Variants in UBE3C observed in about 807,000 individuals in gnomAD.
The protein encoded by UBE3C is ubiquitin-protein ligase E3C.
In UBE3C, 42 loss-of-function variants were observed where a neutral mutation model predicts 129.4. That is an observed-to-expected ratio of 0.32 (90% CI 0.25 to 0.42). The LOEUF (loss-of-function observed/expected upper bound fraction) is 0.42. Among genes scored for constraint, UBE3C ranks in the 10% least tolerant of loss-of-function variants. UBE3C has a pLI of 1.00. For missense variants in UBE3C, 1,049 were observed against 1,319.1 expected (o/e 0.80, Z 3.17); for synonymous variants, 510 against 492.4 (o/e 1.04, Z -0.47).
chr7:157,174,640 G>A (rs1223906846), intron 4 of UBE3C, among the ~76,000 whole-genome samples: 1 of 152,060 alleles, frequency 6.6e-6, no homozygotes, highest in Non-Finnish European at 1.5e-5. Flanking sequence ...TTTTTGTAGA[G>A]ACAGGGTTTC....
At chr7:157,172,642 G>C (rs1808409125) in intron 4 of UBE3C, among the ~76,000 whole-genome samples, 1 of 152,190 alleles carries the variant, frequency 6.6e-6, no homozygotes, top group Admixed American at 6.5e-5. Flanking sequence ...GAAAGCCGTT[G>C]AATCTACCCA....
Position 157,265,376 on chromosome 7 carries a change from G to T in UBE3C, c.3082-2209G>T, listed in dbSNP as rs1176990483. ...AAATGTGAGGCAAATAGCTAATGGT[G>T]TTTGTGTATACGAGGAAGGTGGAGT... On this transcript the variant is annotated intron_variant, in intron 22 of 22. Coordinates refer to ENST00000348165, the MANE Select transcript of UBE3C (RefSeq NM_014671.3). Among the ~76,000 whole-genome samples the T allele has an allele frequency of 5.3e-5, 8 of 152,362 alleles. No homozygotes were observed. In the South Asian group the frequency reaches 1.7e-3, roughly 32 times the overall value.
chr7:157,208,823 C>T (rs1809511630), intron 13 of UBE3C, among the ~76,000 whole-genome samples: 1 of 152,198 alleles, frequency 6.6e-6, no homozygotes, highest in African/African-American at 2.4e-5. Flanking sequence ...GGGTGCTTGA[C>T]TTCCCATGAA....
At chr7:157,251,958 A>G (rs1303477835) in intron 19 of UBE3C, among the ~76,000 whole-genome samples, 1 of 152,040 alleles carries the variant, frequency 6.6e-6, no homozygotes, top group African/African-American at 2.4e-5. Context: ...ACATGGTGAA[A>G]CCCTGTCTCT....
intron 12 of UBE3C, 40 bp downstream of exon 12, chr7:157,207,595 G>T (rs765919784): frequency 6.2e-7 from 1 of 1,600,296 alleles, no homozygotes; most frequent in South Asian, 1.1e-5. Context: ...TGGCCACTTG[G>T]CCCATCAGTT....
chr7:157,203,157 G>T (rs1207145089), intron 11 of UBE3C, among the ~76,000 whole-genome samples: 3 of 152,118 alleles, frequency 2.0e-5, no homozygotes, highest in African/African-American at 7.2e-5. Flanking sequence ...AATGAAAGGG[G>T]AATGTCAGTT....
intron 1 of UBE3C, among the ~76,000 whole-genome samples, chr7:157,144,683 C>CT (rs149472708): frequency 0.19 from 26,499 of 139,792 alleles, 4,085 homozygotes; most frequent in African/African-American, 0.45. Context: ...TTGTCCAGTG[C>CT]TTTTTTTAAA....
intron 10 of UBE3C, among the ~76,000 whole-genome samples, chr7:157,199,461 T>TTTTTATTTTA (rs1236497048): frequency 1.1e-4 from 16 of 151,858 alleles, no homozygotes; most frequent in African/African-American, 3.6e-4. Flanking sequence ...ATTTTTTTTA[T>TTTTTATTTTA]TTTTATTTTA....
At chr7:157,182,491 C>T (rs963585073) in intron 8 of UBE3C, among the ~76,000 whole-genome samples, 163 bp downstream of exon 8, 5 of 152,098 alleles carry the variant, frequency 3.3e-5, no homozygotes, top group African/African-American at 1.2e-4. Flanking sequence ...TTCCTGGGGA[C>T]AGTTTCCAGA....
chr7:157,143,339 G>T (rs1807510791), intron 1 of UBE3C, among the ~76,000 whole-genome samples: 1 of 152,130 alleles, frequency 6.6e-6, no homozygotes, highest in Non-Finnish European at 1.5e-5. Flanking sequence ...AACTAGCTTA[G>T]TAGGCAAAAC....
intron 22 of UBE3C, among the ~76,000 whole-genome samples, chr7:157,260,909 C>T (rs747394082): frequency 6.6e-6 from 1 of 152,296 alleles, no homozygotes; most frequent in Middle Eastern, 3.4e-3. Context: ...CCTTCTCCAC[C>T]TCCGTGATGC....
intron 15 of UBE3C, 177 bp downstream of exon 15, chr7:157,220,953 C>T: frequency 1.6e-6 from 1 of 633,180 alleles, no homozygotes; most frequent in South Asian, 2.0e-5. Context: ...CCATTGCGGC[C>T]ACCTCTTCAG....
chr7:157,145,005 G>T (rs936934766), intron 1 of UBE3C, among the ~76,000 whole-genome samples: 2 of 152,172 alleles, frequency 1.3e-5, no homozygotes, highest in Admixed American at 1.3e-4. Flanking sequence ...TGCTGGCCAG[G>T]TGTGGTGGCT....
At chr7:157,156,311 T>TC (rs1807902917) in intron 1 of UBE3C, among the ~76,000 whole-genome samples, 1 of 143,508 alleles carries the variant, frequency 7.0e-6, no homozygotes, top group East Asian at 2.0e-4. Context: ...TTTTTTTTTT[T>TC]TTTTTTTTTT....
At position 157,139,172 on chromosome 7, in the gene UBE3C, GC is replaced by G. The variant is rs1807349763; in HGVS notation, c.-99del. 1.2e-6 allele frequency: 1 copy of G among 853,334 alleles called. No homozygotes were observed. The highest frequency in any genetic ancestry group is 1.4e-6 in the Non-Finnish European group (1 of 695,366). 52.9% of individuals were successfully genotyped at this position (853,334 alleles called of 1,614,324 possible). A position where few individuals can be genotyped will look rare whatever the true frequency, so the allele number is the denominator to read the frequency against. Reference sequence around the variant, plus strand: ...GGCCGCCGCGTCCTCGCTGCCCCGGGCCGGGCGGGCGGGCGCCGAGAGCCTC... The same window carrying G: ...GGCCGCCGCGTCCTCGCTGCCCCGGGCGGGCGGGCGGGCGCCGAGAGCCTC... On this transcript the variant is annotated 5_prime_UTR_variant, in exon 1 of 23. The change abolishes the stop of an existing upstream ORF in the 5' untranslated region. Transcript: ENST00000348165.
At chr7:157,264,638 A>G (rs1797027509) in intron 22 of UBE3C, among the ~76,000 whole-genome samples, 1 of 152,126 alleles carries the variant, frequency 6.6e-6, no homozygotes, top group South Asian at 2.1e-4. Context: ...CTGGAGTGCA[A>G]TGCGTGATCT....
At chr7:157,217,691 G>A (rs1795620217) in intron 14 of UBE3C, among the ~76,000 whole-genome samples, 1 of 152,222 alleles carries the variant, frequency 6.6e-6, no homozygotes, top group Admixed American at 6.5e-5. Context: ...ACAAAAATCA[G>A]CCGGGCGTGG....
intron 13 of UBE3C, among the ~76,000 whole-genome samples, chr7:157,215,153 G>T (rs183508638): frequency 6.6e-6 from 1 of 152,158 alleles, no homozygotes; most frequent in Admixed American, 6.5e-5. Flanking sequence ...TCTTGAGTGG[G>T]TTTTTACTAT....
chr7:157,147,058 A>C (rs1400167650), intron 1 of UBE3C, among the ~76,000 whole-genome samples: 1 of 151,560 alleles, frequency 6.6e-6, no homozygotes, highest in Admixed American at 6.6e-5. Context: ...CAGTTTGTTG[A>C]TATTCACAAA....
Sources: gnomAD v4.1 joint callset for allele counts (sites outside exome capture counted in the v4.1 genomes callset) on GRCh38, gnomAD v4.1.1 for gene constraint, MANE v1.5 for transcripts, NCBI Gene and HGNC (gene_info 2026-07-23, HGNC 2026-07-21) for gene names.